Variants in RBFOX1 observed in about 807,000 individuals in gnomAD.
RBFOX1 encodes the protein RNA binding fox-1 homolog 1.
Under a neutral mutation model 57.7 loss-of-function variants are expected in RBFOX1, and 8 were observed. The ratio of observed to expected loss-of-function variants is 0.14; its 90% CI spans 0.08 to 0.25. The LOEUF is 0.25. RBFOX1 is among the 10% of genes least tolerant of loss of function. The pLI, the probability that RBFOX1 is intolerant of heterozygous loss-of-function variation, is 1.00. For missense variants in RBFOX1, 611 were observed against 548.5 expected (o/e 1.11, Z -1.14); for synonymous variants, 326 against 222.4 (o/e 1.47, Z -4.15).
intron 2 of RBFOX1, among the ~76,000 whole-genome samples, chr16:5,487,885 AGTGGTG>A (rs2042686243): frequency 6.6e-6 from 1 of 151,750 alleles, no homozygotes. Flanking sequence ...TGGTGGTGGT[AGTGGTG>A]ATGAAGCTGT....
intron 2 of RBFOX1, among the ~76,000 whole-genome samples, chr16:5,502,572 C>A (rs1277986915): frequency 6.6e-6 from 1 of 152,204 alleles, no homozygotes; most frequent in Non-Finnish European, 1.5e-5. Context: ...CTGACAAAGT[C>A]CATCTTTGCA....
chr16:5,793,118 A>T (rs2054757026), intron 3 of RBFOX1, among the ~76,000 whole-genome samples: 1 of 152,084 alleles, frequency 6.6e-6, no homozygotes, highest in African/African-American at 2.4e-5. Flanking sequence ...TCGGTAGGGA[A>T]CCCACATGTC....
At chr16:6,897,077 A>G (rs1224500756) in intron 3 of RBFOX1, among the ~76,000 whole-genome samples, 1 of 152,142 alleles carries the variant, frequency 6.6e-6, no homozygotes, top group East Asian at 1.9e-4. Context: ...GCAGCACCTG[A>G]GGAAGGGAGC....
At chr16:5,883,581 A>T (rs1304416372) in intron 4 of RBFOX1, among the ~76,000 whole-genome samples, 1 of 152,110 alleles carries the variant, frequency 6.6e-6, no homozygotes, top group East Asian at 1.9e-4. Flanking sequence ...TTGAACACAC[A>T]TGTCTCTCTG....
intron 3 of RBFOX1, among the ~76,000 whole-genome samples, chr16:6,666,342 T>A (rs2098732589): frequency 6.6e-6 from 1 of 152,116 alleles, no homozygotes; most frequent in Non-Finnish European, 1.5e-5. Context: ...GAAACCAGCC[T>A]GGCCAACATG....
chr16:7,281,329 C>T (rs1007064177), intron 4 of RBFOX1, among the ~76,000 whole-genome samples: 5 of 151,600 alleles, frequency 3.3e-5, no homozygotes, highest in African/African-American at 9.7e-5. Flanking sequence ...TAATGAGCTT[C>T]TGCTTGGGGG....
At chr16:7,043,798 C>T (rs1196615202) in intron 3 of RBFOX1, among the ~76,000 whole-genome samples, 1 of 152,232 alleles carries the variant, frequency 6.6e-6, no homozygotes, top group Non-Finnish European at 1.5e-5. Flanking sequence ...TTCCCTCTTG[C>T]ACTTGACTCT....
chr16:7,504,791 A>ATATATT (rs2072625295), intron 4 of RBFOX1, among the ~76,000 whole-genome samples: 3 of 28,950 alleles, frequency 1.0e-4, no homozygotes, highest in Non-Finnish European at 1.0e-4. Context: ...ATATATTTAT[A>ATATATT]TATATATATA....
chr16:7,530,294 A>G (rs958144418), intron 5 of RBFOX1, among the ~76,000 whole-genome samples: 6 of 152,148 alleles, frequency 3.9e-5, no homozygotes, highest in East Asian at 1.9e-4. Context: ...TCCTCTGTCC[A>G]TCTCCTGGAT....
chr16:7,698,393 C>T (rs1246596935), intron 14 of RBFOX1, among the ~76,000 whole-genome samples: 1 of 151,904 alleles, frequency 6.6e-6, no homozygotes, highest in African/African-American at 2.4e-5. Flanking sequence ...AAGCCTTGAG[C>T]AAATGAACAA....
At chr16:7,007,854 G>T (rs1272401803) in intron 3 of RBFOX1, among the ~76,000 whole-genome samples, 16 of 152,152 alleles carry the variant, frequency 1.1e-4, no homozygotes, top group Non-Finnish European at 1.5e-5. Flanking sequence ...GGACACCTCA[G>T]CATTAGGAAG....
At chr16:5,436,194 C>T (rs1161011834) in intron 1 of RBFOX1, among the ~76,000 whole-genome samples, 1 of 152,192 alleles carries the variant, frequency 6.6e-6, no homozygotes, top group Non-Finnish European at 1.5e-5. Context: ...ATGCTCTGAT[C>T]CCTGCCTAGG....
At chr16:7,304,357 C>G (rs1202561987) in intron 4 of RBFOX1, 2 of 985,276 alleles carry the variant, frequency 2.0e-6, no homozygotes, top group East Asian at 1.1e-4. Context: ...AGCGTCCCCA[C>G]TCGGGCTCGG....
At chr16:6,997,964 T>G (rs560155954) in intron 3 of RBFOX1, among the ~76,000 whole-genome samples, 47 of 152,016 alleles carry the variant, frequency 3.1e-4, no homozygotes, top group African/African-American at 1.1e-3. Context: ...TTCGTAATCA[T>G]TTAAACAGCT....
intron 10 of RBFOX1, among the ~76,000 whole-genome samples, chr16:7,615,684 C>T (rs1365193637): frequency 2.0e-5 from 3 of 152,044 alleles, no homozygotes; most frequent in Non-Finnish European, 4.4e-5. Flanking sequence ...TTGGCAATTT[C>T]TGGAAACATT....
chr16:5,427,319 T>C (rs1352025714), intron 1 of RBFOX1, among the ~76,000 whole-genome samples: 2 of 152,234 alleles, frequency 1.3e-5, no homozygotes, highest in Non-Finnish European at 2.9e-5. Flanking sequence ...GCACGGTGGC[T>C]CATGCCTTTA....
At chr16:6,257,012 G>A (rs201337631) in intron 1 of RBFOX1, among the ~76,000 whole-genome samples, 3 of 152,170 alleles carry the variant, frequency 2.0e-5, no homozygotes, top group African/African-American at 7.2e-5. Flanking sequence ...GGAACTTTGA[G>A]AAAGAAGAAT....
intron 4 of RBFOX1, among the ~76,000 whole-genome samples, chr16:7,345,547 C>T (rs1166986701): frequency 6.6e-6 from 1 of 152,142 alleles, no homozygotes; most frequent in African/African-American, 2.4e-5. Context: ...GCCAGAGGGC[C>T]TAAGATTTGT....
intron 4 of RBFOX1, among the ~76,000 whole-genome samples, chr16:7,160,194 T>C (rs867694638): frequency 5.0e-4 from 70 of 140,114 alleles, no homozygotes; most frequent in African/African-American, 1.8e-3. Context: ...GACTTTTGAC[T>C]TTTTTTTTTT....
Sources: gnomAD v4.1 joint callset for allele counts (sites outside exome capture counted in the v4.1 genomes callset) on GRCh38, gnomAD v4.1.1 for gene constraint, MANE v1.5 for transcripts, NCBI Gene and HGNC (gene_info 2026-07-23, HGNC 2026-07-21) for gene names.